The following RPS6KC1 variants were observed in gnomAD, a reference collection of about 807,000 sequenced individuals.
The protein encoded by RPS6KC1 is inactive ribosomal protein S6 kinase delta-1.
A neutral mutation model predicts 103.8 loss-of-function variants in RPS6KC1; 54 were observed. That is an observed-to-expected ratio of 0.52 (90% confidence interval 0.42 to 0.65). The LOEUF is 0.65. RPS6KC1 is among the 30% of genes least tolerant of loss of function. The pLI, the probability that RPS6KC1 is intolerant of heterozygous loss-of-function variation, is 0.00. For synonymous variants in RPS6KC1, 439 were observed against 438.7 expected (o/e 1.00, Z -0.01); for missense variants, 1,151 against 1,253.8 (o/e 0.92, Z 1.24).
chr1:213,687,754 T>C, the RPS6KC1 span, among the ~76,000 whole-genome samples: 100 of 148,498 alleles, frequency 6.7e-4, no homozygotes, highest in African/African-American at 1.9e-3. Flanking sequence ...AATACAACCG[T>C]GATTATTTAT....
chr1:213,833,782 C>T, the RPS6KC1 span, among the ~76,000 whole-genome samples: 1 of 152,180 alleles, frequency 6.6e-6, no homozygotes, highest in Admixed American at 6.5e-5. Context: ...GGCTACAGGT[C>T]TCCTTTTGTC....
the RPS6KC1 span, chr1:213,818,410 C>G: frequency 3.3e-5 from 5 of 152,448 alleles, no homozygotes; most frequent in Middle Eastern, 3.4e-3. Flanking sequence ...AGCAAAACAG[C>G]CTCATTGCTG....
chr1:213,258,364 A>C (rs937985752), intron 12 of RPS6KC1, among the ~76,000 whole-genome samples: 1 of 152,222 alleles, frequency 6.6e-6, no homozygotes, highest in Non-Finnish European at 1.5e-5. Flanking sequence ...ACTAAGAAGT[A>C]TACACTGCTT....
chr1:213,186,787 G>A (rs2092550348), intron 8 of RPS6KC1, among the ~76,000 whole-genome samples: 1 of 152,094 alleles, frequency 6.6e-6, no homozygotes, highest in Non-Finnish European at 1.5e-5. Context: ...TTCTGATCAT[G>A]TATTTTCAGA....
chr1:213,706,517 A>G, the RPS6KC1 span, among the ~76,000 whole-genome samples: 1 of 152,186 alleles, frequency 6.6e-6, no homozygotes, highest in Non-Finnish European at 1.5e-5. Flanking sequence ...ATATGTAGTT[A>G]AAACCAGATA....
the RPS6KC1 span, among the ~76,000 whole-genome samples, chr1:213,631,082 T>C: frequency 6.6e-6 from 1 of 151,968 alleles, no homozygotes; most frequent in East Asian, 1.9e-4. Context: ...AGGGTGGGAG[T>C]GACCCGATTT....
chr1:213,762,442 T>TGAAA, the RPS6KC1 span, among the ~76,000 whole-genome samples: 2 of 152,178 alleles, frequency 1.3e-5, no homozygotes, highest in African/African-American at 4.8e-5. Context: ...AATGAATGAA[T>TGAAA]GAAAATAAGA....
chr1:213,306,983 G>A, the RPS6KC1 span, among the ~76,000 whole-genome samples: 1 of 151,698 alleles, frequency 6.6e-6, no homozygotes, highest in African/African-American at 2.4e-5. Flanking sequence ...TCAGTGGCCA[G>A]TTGGTGCCAG....
At chr1:213,832,806 T>C in the RPS6KC1 span, among the ~76,000 whole-genome samples, 1 of 152,188 alleles carries the variant, frequency 6.6e-6, no homozygotes, top group Admixed American at 6.5e-5. Context: ...GAGGTAGGTT[T>C]TTAAAAGAAT....
At chr1:213,765,303 G>A in the RPS6KC1 span, among the ~76,000 whole-genome samples, 1 of 152,164 alleles carries the variant, frequency 6.6e-6, no homozygotes, top group Non-Finnish European at 1.5e-5. Context: ...CCCTAAGAAG[G>A]CATCTCTACT....
the RPS6KC1 span, among the ~76,000 whole-genome samples, chr1:213,335,216 G>T: frequency 6.6e-6 from 1 of 152,210 alleles, no homozygotes; most frequent in Non-Finnish European, 1.5e-5. Context: ...ACATTTCATG[G>T]CCTCAAGAGG....
chr1:213,563,777 T>C, the RPS6KC1 span, among the ~76,000 whole-genome samples: 1 of 152,152 alleles, frequency 6.6e-6, no homozygotes, highest in Non-Finnish European at 1.5e-5. Context: ...TAAAACATTT[T>C]AATTCTGATC....
the RPS6KC1 span, among the ~76,000 whole-genome samples, chr1:213,717,058 C>G: frequency 6.6e-6 from 1 of 152,068 alleles, no homozygotes; most frequent in African/African-American, 2.4e-5. Context: ...TCTTTTTTTC[C>G]TGATGTTTGC....
At chr1:213,712,142 C>T in the RPS6KC1 span, among the ~76,000 whole-genome samples, 1 of 152,216 alleles carries the variant, frequency 6.6e-6, no homozygotes, top group Non-Finnish European at 1.5e-5. Context: ...GTGCTTTGTC[C>T]CAGGAAGATG....
At chr1:213,116,907 T>C (rs2083709802) in intron 4 of RPS6KC1, among the ~76,000 whole-genome samples, 1 of 152,246 alleles carries the variant, frequency 6.6e-6, no homozygotes. Context: ...TTGTAGAGTT[T>C]CTGCAGAGAG....
chr1:213,805,219 C>A, the RPS6KC1 span, among the ~76,000 whole-genome samples: 2 of 152,158 alleles, frequency 1.3e-5, no homozygotes, highest in Non-Finnish European at 2.9e-5. Context: ...GTGGCTGTGA[C>A]AATTTCTTAA....
the RPS6KC1 span, among the ~76,000 whole-genome samples, chr1:213,393,426 A>G: frequency 6.6e-6 from 1 of 152,056 alleles, no homozygotes; most frequent in East Asian, 1.9e-4. Flanking sequence ...CCGAAGTTCA[A>G]ATTCCTCCCC....
At chr1:213,073,582 G>T (rs757588759) in intron 2 of RPS6KC1, among the ~76,000 whole-genome samples, 1 of 152,108 alleles carries the variant, frequency 6.6e-6, no homozygotes, top group Non-Finnish European at 1.5e-5. Context: ...GAAAGGAAAA[G>T]AACTGAAACA....
At chr1:213,533,225 A>G in the RPS6KC1 span, among the ~76,000 whole-genome samples, 2 of 152,172 alleles carry the variant, frequency 1.3e-5, no homozygotes, top group Non-Finnish European at 2.9e-5. Flanking sequence ...GGGAATGGAA[A>G]GAAAAGGTGA....
Sources: gnomAD v4.1 joint callset for allele counts (sites outside exome capture counted in the v4.1 genomes callset) on GRCh38, gnomAD v4.1.1 for gene constraint, MANE v1.5 for transcripts, NCBI Gene and HGNC (gene_info 2026-07-23, HGNC 2026-07-21) for gene names.